The following SPMIP11 variants were observed in gnomAD, a reference collection of about 807,000 sequenced individuals.
SPMIP11 encodes the protein long intergenic non-protein coding RNA 935.
chr12:48,754,625 T>C, the SPMIP11 span, among the ~76,000 whole-genome samples: 1 of 152,052 alleles, frequency 6.6e-6, no homozygotes, highest in Non-Finnish European at 1.5e-5. Flanking sequence ...TAATTTTTTG[T>C]ATTTTTAGTA....
chr12:48,754,265 C>T, the SPMIP11 span, among the ~76,000 whole-genome samples: 14 of 152,092 alleles, frequency 9.2e-5, no homozygotes, highest in Non-Finnish European at 1.6e-4. Flanking sequence ...ATTAGCCAGG[C>T]ATGGTGGCAC....
At chr12:48,759,724 AG>A in the SPMIP11 span, among the ~76,000 whole-genome samples, 70 of 151,370 alleles carry the variant, frequency 4.6e-4, no homozygotes, top group African/African-American at 1.4e-3. Context: ...TCAGGCAGGA[AG>A]AAAAAAAAAG....
the SPMIP11 span, among the ~76,000 whole-genome samples, chr12:48,731,920 G>A: frequency 1.3e-5 from 2 of 152,008 alleles, no homozygotes; most frequent in Non-Finnish European, 1.5e-5. Flanking sequence ...AGGCTGATGC[G>A]GGCAGATCAC....
At chr12:48,769,114 G>A in the SPMIP11 span, 1 of 1,488,462 alleles carries the variant, frequency 6.7e-7, no homozygotes, top group East Asian at 2.4e-5. Flanking sequence ...GTAAACCCAG[G>A]GAGTCATCCC....
chr12:48,737,906 C>T, the SPMIP11 span, among the ~76,000 whole-genome samples: 5,732 of 152,072 alleles, frequency 0.038, 326 homozygotes, highest in African/African-American at 0.12. Context: ...CATTGCAGCC[C>T]CAACCTCCCA....
chr12:48,730,815 G>A, the SPMIP11 span, among the ~76,000 whole-genome samples: 5 of 152,192 alleles, frequency 3.3e-5, no homozygotes, highest in African/African-American at 1.2e-4. Flanking sequence ...GCACATGCCT[G>A]TAATCCCAGT....
the SPMIP11 span, among the ~76,000 whole-genome samples, chr12:48,754,908 C>T: frequency 1.3e-5 from 2 of 151,348 alleles, no homozygotes; most frequent in East Asian, 1.9e-4. Flanking sequence ...CACCATACCT[C>T]AGCCTCCCAA....
the SPMIP11 span, among the ~76,000 whole-genome samples, chr12:48,732,472 A>G: frequency 6.6e-6 from 1 of 151,922 alleles, no homozygotes; most frequent in Middle Eastern, 3.2e-3. Context: ...AACAAATACT[A>G]TATGATGAAA....
chr12:48,761,855 T>G, the SPMIP11 span, among the ~76,000 whole-genome samples: 1 of 149,372 alleles, frequency 6.7e-6, no homozygotes, highest in African/African-American at 2.5e-5. Context: ...CCTGAGTAGC[T>G]GAGACTACAG....
chr12:48,759,418 G>C, the SPMIP11 span: 1 of 669,904 alleles, frequency 1.5e-6, no homozygotes, highest in Non-Finnish European at 2.7e-6. Flanking sequence ...GCCGGGCTTG[G>C]TGGCTCATGT....
chr12:48,743,624 T>C, the SPMIP11 span, among the ~76,000 whole-genome samples: 1 of 151,842 alleles, frequency 6.6e-6, no homozygotes, highest in Non-Finnish European at 1.5e-5. Context: ...CTGGGCAACA[T>C]GGTGAAATCC....
chr12:48,760,570 A>G, the SPMIP11 span, among the ~76,000 whole-genome samples: 15 of 152,272 alleles, frequency 9.9e-5, no homozygotes, highest in Admixed American at 9.8e-4. Context: ...TCTATCGCCC[A>G]GGCTGTAGTG....
the SPMIP11 span, among the ~76,000 whole-genome samples, chr12:48,753,088 G>A: frequency 6.6e-6 from 1 of 152,208 alleles, no homozygotes; most frequent in Admixed American, 6.5e-5. Context: ...TCCTTGCCTT[G>A]TTGTATGAAA....
the SPMIP11 span, among the ~76,000 whole-genome samples, chr12:48,770,022 A>G: frequency 0.015 from 2,247 of 151,442 alleles, 26 homozygotes; most frequent in Non-Finnish European, 0.022. Flanking sequence ...CGGACTCCCA[A>G]AGTGCTGGGA....
chr12:48,738,395 G>A, the SPMIP11 span, among the ~76,000 whole-genome samples: 1 of 152,078 alleles, frequency 6.6e-6, no homozygotes, highest in African/African-American at 2.4e-5. Flanking sequence ...ATTGGGTGGG[G>A]GCTGAAGGAG....
chr12:48,727,514 C>G, the SPMIP11 span: 1 of 702,826 alleles, frequency 1.4e-6, no homozygotes, highest in East Asian at 2.7e-5. Flanking sequence ...ATTGGGATAT[C>G]AAAATTCCTT....
chr12:48,766,471 C>T, the SPMIP11 span: 1 of 152,646 alleles, frequency 6.6e-6, no homozygotes, highest in East Asian at 1.9e-4. Context: ...TGAGGTCTTC[C>T]CACTCTGATC....
chr12:48,735,392 G>C, the SPMIP11 span, among the ~76,000 whole-genome samples: 1 of 152,180 alleles, frequency 6.6e-6, no homozygotes, highest in African/African-American at 2.4e-5. Flanking sequence ...CAGATCACCT[G>C]AGGTCAAGAG....
At chr12:48,761,944 C>G in the SPMIP11 span, among the ~76,000 whole-genome samples, 1 of 150,212 alleles carries the variant, frequency 6.7e-6, no homozygotes. Context: ...CAGCGATCCT[C>G]CTGCCTCAGC....
Sources: allele counts gnomAD v4.1 joint callset (sites outside exome capture counted in the v4.1 genomes callset), GRCh38; gene constraint gnomAD v4.1.1; transcripts MANE v1.5; gene names NCBI Gene and HGNC (gene_info 2026-07-23, HGNC 2026-07-21).